CACNA2D3: variants seen among roughly 807,000 people sequenced by gnomAD.
The protein encoded by CACNA2D3 is voltage-dependent calcium channel subunit alpha-2/delta-3.
Under a neutral mutation model 160.6 loss-of-function variants are expected in CACNA2D3, and 60 were observed. The ratio of observed to expected loss-of-function variants is 0.37; its 90% CI spans 0.30 to 0.46. CACNA2D3 has a LOEUF of 0.46. CACNA2D3 is among the 20% of genes least tolerant of loss of function. The pLI is 1.00. For missense variants in CACNA2D3, 1,205 were observed against 1,365.0 expected, an observed-to-expected ratio of 0.88 and a Z score of 1.85; for synonymous variants, 558 against 492.9, an observed-to-expected ratio of 1.13 and a Z score of -1.75.
rs192918197 is a variant in CACNA2D3 at position 54,290,830 on chromosome 3, G to A, written c.205-29612G>A. Among the ~76,000 whole-genome samples the A allele has an allele frequency of 3.1e-4, 47 of 152,002 alleles. No homozygotes were observed. The East Asian group carries it at 3.3e-3, about 11-fold the overall frequency. ...AAGGATAAAAAACCAAACACCGCAT[G>A]TTCTCACTCATAGGTGGCAATTGAA... On this transcript the variant is annotated intron_variant, in intron 2 of 37. Coordinates refer to ENST00000474759, the MANE Select transcript of CACNA2D3 (RefSeq NM_018398.3).
chr3:54,161,082 A>G (rs1559867300), intron 2 of CACNA2D3, among the ~76,000 whole-genome samples: 2 of 152,196 alleles, frequency 1.3e-5, no homozygotes, highest in Non-Finnish European at 2.9e-5. Context: ...TTGTTTAGTA[A>G]GGGAGCAATA....
intron 2 of CACNA2D3, among the ~76,000 whole-genome samples, chr3:54,146,058 GTTA>G (rs1013957123): frequency 7.2e-5 from 11 of 152,042 alleles, no homozygotes; most frequent in African/African-American, 1.9e-4. Context: ...TATTATGGTT[GTTA>G]TTGTTGTTGT....
intron 2 of CACNA2D3, among the ~76,000 whole-genome samples, chr3:54,262,810 T>A (rs972672931): frequency 3.9e-5 from 6 of 152,214 alleles, no homozygotes; most frequent in African/African-American, 1.4e-4. Flanking sequence ...GCGAGCCACC[T>A]CCCAGTGCTG....
At chr3:54,125,021 T>A (rs943238678) in intron 2 of CACNA2D3, among the ~76,000 whole-genome samples, 1 of 152,350 alleles carries the variant, frequency 6.6e-6, no homozygotes, top group East Asian at 1.9e-4. Context: ...ATGTGATGAA[T>A]TCTGGACTGT....
intron 35 of CACNA2D3, among the ~76,000 whole-genome samples, chr3:55,035,419 A>G (rs2107183254): frequency 6.6e-6 from 1 of 152,318 alleles, no homozygotes; most frequent in Admixed American, 6.5e-5. Flanking sequence ...TATAAGTACA[A>G]CTAATCAGGA....
intron 31 of CACNA2D3, among the ~76,000 whole-genome samples, chr3:55,002,042 A>G (rs938693130): frequency 6.6e-6 from 1 of 151,822 alleles, no homozygotes; most frequent in Non-Finnish European, 1.5e-5. Flanking sequence ...TGTAGTCCCA[A>G]CTACTCGGGA....
At chr3:54,291,770 G>A (rs1703211701) in intron 2 of CACNA2D3, among the ~76,000 whole-genome samples, 1 of 152,168 alleles carries the variant, frequency 6.6e-6, no homozygotes, top group African/African-American at 2.4e-5. Context: ...CTCTAGGAAT[G>A]GGAGTGCTGA....
chr3:54,752,371 C>T (rs567778340), intron 11 of CACNA2D3, among the ~76,000 whole-genome samples: 224 of 152,232 alleles, frequency 1.5e-3, no homozygotes, highest in African/African-American at 5.0e-3. Flanking sequence ...TTTTGACTTG[C>T]GCACCAAAAA....
chr3:54,372,396 C>T (rs551188289), intron 3 of CACNA2D3, among the ~76,000 whole-genome samples: 2 of 152,168 alleles, frequency 1.3e-5, no homozygotes, highest in South Asian at 2.1e-4. Context: ...CATGTCAGAG[C>T]CTTGGAGAGT....
chr3:54,952,935 T>G (rs987411414), intron 27 of CACNA2D3, among the ~76,000 whole-genome samples: 2 of 152,106 alleles, frequency 1.3e-5, no homozygotes, highest in Non-Finnish European at 2.9e-5. Context: ...GGAGGAAACT[T>G]TTCATAGGGA....
chr3:54,356,543 G>A (rs1698652327), intron 3 of CACNA2D3, among the ~76,000 whole-genome samples: 1 of 152,132 alleles, frequency 6.6e-6, no homozygotes, highest in Non-Finnish European at 1.5e-5. Flanking sequence ...TCCTGTCCCT[G>A]TGAAACCCTT....
chr3:54,993,988 G>GCT (rs1702801179), intron 31 of CACNA2D3, among the ~76,000 whole-genome samples: 1 of 149,802 alleles, frequency 6.7e-6, no homozygotes, highest in Non-Finnish European at 1.5e-5. Flanking sequence ...GGTGCAACAC[G>GCT]CTTGAGCTTT....
chr3:54,883,798 A>ACTCTCTCTCTCTCTCTCTCTCT (rs1699857031), intron 21 of CACNA2D3, among the ~76,000 whole-genome samples: 1 of 36,412 alleles, frequency 2.7e-5, no homozygotes, highest in South Asian at 1.1e-3. Context: ...GTTACAATGG[A>ACTCTCTCTCTCTCTCTCTCTCT]ATCTCTCTCT....
chr3:54,361,211 G>C (rs369085222), intron 3 of CACNA2D3, among the ~76,000 whole-genome samples: 1 of 151,406 alleles, frequency 6.6e-6, no homozygotes, highest in African/African-American at 2.4e-5. Context: ...CAGCATACCA[G>C]ATAGGTGGTC....
chr3:54,793,222 A>T (rs1306489579), intron 13 of CACNA2D3, among the ~76,000 whole-genome samples: 1 of 152,238 alleles, frequency 6.6e-6, no homozygotes, highest in Non-Finnish European at 1.5e-5. Context: ...TGAATAAATT[A>T]TATTTTTTCC....
At chr3:54,740,951 G>A (rs1015716148) in intron 11 of CACNA2D3, among the ~76,000 whole-genome samples, 2 of 152,164 alleles carry the variant, frequency 1.3e-5, no homozygotes, top group African/African-American at 2.4e-5. Context: ...AGGGTGGTAC[G>A]AGAGGGGACA....
intron 8 of CACNA2D3, among the ~76,000 whole-genome samples, chr3:54,576,423 T>G (rs2106730878): frequency 6.6e-6 from 1 of 152,326 alleles, no homozygotes; most frequent in South Asian, 2.1e-4. Flanking sequence ...GGCCCTTCAT[T>G]TAATCAAAGT....
Position 54,150,998 on chromosome 3 carries a change from G to GGATA in CACNA2D3, c.204+27408_204+27411dup, listed in dbSNP as rs549494711. Among the ~76,000 whole-genome samples the GGATA allele has an allele frequency of 1.4e-3, 213 of 151,966 alleles. 2 individuals carry two copies. Among genetic ancestry groups the GGATA allele is most frequent in the African/African-American group, 4.8e-3 (201 of 41,456 alleles). ...TGGGTAAATGGATGGATGAGTGGGT[G>GGATA]GATAGATGAATGAATGGATGTAGGG... On this transcript the variant is annotated intron_variant, in intron 2 of 37. Transcript: ENST00000474759.
intron 2 of CACNA2D3, among the ~76,000 whole-genome samples, chr3:54,286,643 T>G (rs12494532): frequency 0.012 from 1,816 of 152,090 alleles, 30 homozygotes; most frequent in Admixed American, 0.043. Flanking sequence ...TCACCAAAGT[T>G]GAAATGAAGG....
Sources: allele counts gnomAD v4.1 joint callset (sites outside exome capture counted in the v4.1 genomes callset), GRCh38; gene constraint gnomAD v4.1.1; transcripts MANE v1.5; gene names NCBI Gene and HGNC (gene_info 2026-07-23, HGNC 2026-07-21).